Variants in OTUB1 observed in about 807,000 individuals in gnomAD.
OTUB1 encodes the protein ubiquitin thioesterase OTUB1.
OTUB1 carries 10 observed loss-of-function variants against 35.8 expected under a neutral mutation model. That is an observed-to-expected ratio of 0.28 (90% confidence interval 0.17 to 0.47). The LOEUF is 0.47. OTUB1 is among the 20% of genes least tolerant of loss of function. The pLI is 0.99. For missense variants in OTUB1, 264 were observed against 351.6 expected, an observed-to-expected ratio of 0.75 and a Z score of 1.99; for synonymous variants, 158 against 143.8, an observed-to-expected ratio of 1.10 and a Z score of -0.71.
intron 2 of OTUB1, 90 bp from the exon 3 acceptor site, chr11:63,988,564 C>A: frequency 7.9e-7 from 1 of 1,262,190 alleles, no homozygotes; most frequent in Non-Finnish European, 1.2e-6. Context: ...CACCGGGTGA[C>A]CAGCCCAGCT....
chr11:63,990,597 A>AAAAATAAT (rs368773572), intron 3 of OTUB1: 1 of 144,834 alleles, frequency 6.9e-6, no homozygotes, highest in African/African-American at 2.7e-5. Context: ...AAAAAATAAA[A>AAAAATAAT]AAATAAATAA....
intron 1 of OTUB1, 75 bp downstream of exon 1, chr11:63,986,589 G>A: frequency 2.2e-6 from 3 of 1,366,744 alleles, no homozygotes; most frequent in East Asian, 2.6e-5. Context: ...GAGGAGGGAG[G>A]GGAGGCAGGG....
rs761622491 is a variant in OTUB1, at chr11:63,986,510, C to T, written c.54C>T (p.Ser18=). 5.8e-6 allele frequency: 9 copies of T among 1,550,802 alleles called. No individual in the cohort carries two copies. The South Asian group carries it at 5.9e-5, about 10-fold the overall frequency. Residue 18 remains serine, a synonymous_variant, in exon 1 of 7, where the codon TCC becomes TCT. Transcript: ENST00000538426. ...AGCAGGAGCCGCTGGGCAGCGACTC[C>T]GAAGGTACAGATCCAAGGAGGGATG... ...QQKQEPLGSD[S]EGVNCLAYDE...
intron 1 of OTUB1, 76 bp downstream of exon 1, chr11:63,986,590 G>A (rs1308470635): frequency 1.5e-6 from 2 of 1,367,374 alleles, no homozygotes; most frequent in African/African-American, 2.9e-5. Context: ...AGGAGGGAGG[G>A]GAGGCAGGGC....
intron 3 of OTUB1, chr11:63,989,008 T>A: frequency 5.5e-5 from 16 of 291,978 alleles, no homozygotes; most frequent in East Asian, 1.1e-4. Flanking sequence ...GAGCAAAACT[T>A]CATCTCAGAA....
In OTUB1 at chr11:63,992,372, C is replaced by T. The variant is rs530997723; in HGVS notation, c.219+3620C>T. Among the ~76,000 whole-genome samples the T allele has an allele frequency of 1.3e-4, 18 of 143,432 alleles. 1 individual carries two copies. Among genetic ancestry groups the T allele is most frequent in the Non-Finnish European group, 2.6e-4 (17 of 66,570 alleles). The allele number at this position is 143,432 out of a possible 152,430, so 94.1% of individuals were successfully genotyped here. A position where few individuals can be genotyped will look rare whatever the true frequency, so the allele number is the denominator to read the frequency against. ...GAGCAGTGCCCACCCAGGCCCGAGGCGAGAGGGCACCTGGATGGTTTGAGG... is the reference window on the plus strand; with the variant it reads ...GAGCAGTGCCCACCCAGGCCCGAGGTGAGAGGGCACCTGGATGGTTTGAGG... On this transcript the variant is annotated intron_variant, in intron 3 of 6. Coordinates refer to ENST00000538426, the MANE Select transcript of OTUB1 (RefSeq NM_017670.3).
intron 3 of OTUB1, 33 bp from the exon 4 acceptor site, chr11:63,996,497 T>G (rs767763927): frequency 2.5e-6 from 4 of 1,611,536 alleles, no homozygotes; most frequent in Non-Finnish European, 3.4e-6. Context: ...TCTGGCCTGA[T>G]GTTAACCTGT....
rs1942740375 is a variant in OTUB1, at chr11:63,997,882, C to T, written c.*336C>T. 4.7e-6 allele frequency: 3 copies of T among 637,328 alleles called. No homozygotes were observed. The African/African-American group carries it at 5.5e-5, about 12-fold the overall frequency. 39.5% of individuals were successfully genotyped at this position (637,328 alleles called of 1,614,324 possible). A position where few individuals can be genotyped will look rare whatever the true frequency, so the allele number is the denominator to read the frequency against. On this transcript the variant is annotated 3_prime_UTR_variant, in exon 7 of 7. Transcript: ENST00000538426. ...GCTTCGTTGGGTTCTGCTTCCTTCC[C>T]TTCTTAGCTGGCTCAGGGGCTTCTA...
rs1405696194 is a variant in OTUB1 at position 63,998,011 on chromosome 11, G to C, written c.*465G>C. 9 of 536,242 alleles carry C rather than the reference G, an allele frequency of 1.7e-5. No individual in the cohort carries two copies. The highest frequency in any genetic ancestry group is 3.0e-5 in the Non-Finnish European group (9 of 300,438). The allele number at this position is 536,242 out of a possible 1,614,324, so 33.2% of individuals were successfully genotyped here. A position where few individuals can be genotyped will look rare whatever the true frequency, so the allele number is the denominator to read the frequency against. ...ACCTCCACGTCCCGGCTGGGCCCCAGACCCCAGCTTCCTGCCCTCCACCGG... is the reference window on the plus strand; with the variant it reads ...ACCTCCACGTCCCGGCTGGGCCCCACACCCCAGCTTCCTGCCCTCCACCGG... On this transcript the variant is annotated 3_prime_UTR_variant, in exon 7 of 7. Transcript: ENST00000538426.
At chr11:63,997,268 C>G in intron 6 of OTUB1, 24 bp downstream of exon 6, 1 of 1,611,364 alleles carries the variant, frequency 6.2e-7, no homozygotes, top group Middle Eastern at 1.7e-4. Flanking sequence ...CCCCTTTACT[C>G]TCGGCCGGGG....
Position 63,997,180 on chromosome 11 carries a change from G to C in OTUB1, c.554G>C (p.Arg185Pro). Residue 185 changes from arginine (R) to proline (P), a missense_variant, in exon 6 of 7, where the codon CGC (arginine) becomes CCC (proline). Physicochemically the swap from Arg to Pro is moderately radical, Grantham distance 103 (BLOSUM62 -2). Coordinates refer to ENST00000538426, the MANE Select transcript of OTUB1 (RefSeq NM_017670.3). ...LRLLTSGYLQ[R>P]ESKFFEHFIE... ...CTGCTCACCTCGGGCTACCTGCAGC[G>C]CGAGAGCAAGTTCTTCGAGCACTTC... The C allele has an allele frequency of 6.2e-7, 1 of 1,614,198 alleles. No individual in the cohort carries two copies. The highest frequency in any genetic ancestry group is 8.5e-7 in the Non-Finnish European group (1 of 1,180,026).
chr11:63,997,587 C>A lies in OTUB1; in HGVS notation c.*41C>A. 1 of 1,559,848 alleles carries A rather than the reference C, an allele frequency of 6.4e-7. No individual in the cohort carries two copies. The highest frequency in any genetic ancestry group is 8.8e-7 in the Non-Finnish European group (1 of 1,132,396). On this transcript the variant is annotated 3_prime_UTR_variant, in exon 7 of 7. Coordinates refer to ENST00000538426, the MANE Select transcript of OTUB1 (RefSeq NM_017670.3). ...GCTGCTGCCCTGCTGCCCCCCTCTG[C>A]CAGGCGCTAGACATGTACAGAGGTT... is the stretch of plus-strand genomic sequence containing the variant.
chr11:63,995,168 G>C (rs1336344600), intron 3 of OTUB1, among the ~76,000 whole-genome samples: 1 of 152,084 alleles, frequency 6.6e-6, no homozygotes, highest in African/African-American at 2.4e-5. Context: ...TCGAGTGGCT[G>C]GGACCACAGG....
intron 3 of OTUB1, among the ~76,000 whole-genome samples, chr11:63,992,336 C>T (rs1283812740): frequency 2.6e-5 from 4 of 151,788 alleles, no homozygotes; most frequent in Non-Finnish European, 5.9e-5. Flanking sequence ...GAGCGAGTCA[C>T]AGGCGTCCGA....
Position 63,988,530 on chromosome 11 carries a change from G to C in OTUB1, c.121-124G>C, listed in dbSNP as rs1461647677. On this transcript the variant is annotated intron_variant, in intron 2 of 6. Transcript: ENST00000538426. ...CCTCCCTAGGCTATGCTAGGTACTG[G>C]TGCTTTTCTGGGGGTCGCTGTGCCA... The C allele has an allele frequency of 6.3e-6, 8 of 1,263,036 alleles. No individual in the cohort carries two copies. In the Admixed American group the frequency reaches 1.0e-4, roughly 16 times the overall value. The allele number at this position is 1,263,036 out of a possible 1,614,324, so 78.2% of individuals were successfully genotyped here.
At chr11:63,996,786 G>GCTGT in intron 4 of OTUB1, 71 bp from the exon 5 acceptor site, 1 of 1,609,936 alleles carries the variant, frequency 6.2e-7, no homozygotes, top group Non-Finnish European at 8.5e-7. Flanking sequence ...GCGGGGCAGT[G>GCTGT]CTGTCTCGGC....
chr11:63,988,328 T>C lies in OTUB1; in HGVS notation c.59-9T>C. 6.4e-7 allele frequency: 1 copy of C among 1,551,250 alleles called. No homozygotes were observed. Among genetic ancestry groups the C allele is most frequent in the Non-Finnish European group, 8.7e-7 (1 of 1,146,372 alleles). On this transcript the variant is annotated splice_polypyrimidine_tract_variant and intron_variant, in intron 1 of 6. Transcript: ENST00000538426. ...CCCCTGTAATCTTTGGCTTTTTTCC[T>C]TTTCCCAGGTGTTAACTGTCTGGCC...
chr11:63,989,822 G>A (rs1210762329), intron 3 of OTUB1: 2 of 151,510 alleles, frequency 1.3e-5, no homozygotes, highest in South Asian at 2.1e-4. Flanking sequence ...TCAGGAGATC[G>A]AGACCACGGT....
intron 1 of OTUB1, among the ~76,000 whole-genome samples, chr11:63,987,576 T>C (rs934465244): frequency 6.6e-6 from 1 of 152,026 alleles, no homozygotes; most frequent in Non-Finnish European, 1.5e-5. Flanking sequence ...CAAGGAGAGG[T>C]ATTGTGCTGA....
Sources: gnomAD v4.1 joint callset for allele counts (sites outside exome capture counted in the v4.1 genomes callset) on GRCh38, gnomAD v4.1.1 for gene constraint, MANE v1.5 for transcripts, NCBI Gene and HGNC (gene_info 2026-07-23, HGNC 2026-07-21) for gene names.